The following FAM13C variants were observed in gnomAD, a reference collection of about 807,000 sequenced individuals.
The protein encoded by FAM13C is family with sequence similarity 13 member C, also known as protein FAM13C.
FAM13C carries 37 observed loss-of-function variants against 73.2 expected under a neutral mutation model. That is an observed-to-expected ratio of 0.51 (90% CI 0.39 to 0.67). The LOEUF is 0.67. Ranked by LOEUF, FAM13C falls within the 30% of genes least tolerant of loss-of-function variation. The pLI is 0.00. For synonymous variants in FAM13C, 246 were observed against 260.9 expected (o/e 0.94, Z 0.55); for missense variants, 589 against 715.6 (o/e 0.82, Z 2.02).
intron 10 of FAM13C, among the ~76,000 whole-genome samples, 179 bp from the exon 11 acceptor site, chr10:59,254,622 G>A (rs1459173220): frequency 1.4e-5 from 2 of 139,704 alleles, no homozygotes; most frequent in Non-Finnish European, 3.1e-5. Flanking sequence ...TATTTATTTA[G>A]AGACAGAGTC....
At chr10:59,308,378 C>T (rs1848493311) in intron 4 of FAM13C, among the ~76,000 whole-genome samples, 1 of 151,824 alleles carries the variant, frequency 6.6e-6, no homozygotes. Context: ...ACCACCACCA[C>T]CATTACCACC....
At chr10:59,355,663 T>C (rs1342689473) in intron 2 of FAM13C, among the ~76,000 whole-genome samples, 1 of 152,166 alleles carries the variant, frequency 6.6e-6, no homozygotes, top group Non-Finnish European at 1.5e-5. Context: ...CAGGCATTTA[T>C]CAAGTGTTCC....
At chr10:59,359,140 C>T (rs1341340946) in intron 1 of FAM13C, among the ~76,000 whole-genome samples, 1 of 152,226 alleles carries the variant, frequency 6.6e-6, no homozygotes. Flanking sequence ...TCACAGCTCA[C>T]CTGCTCTTTC....
chr10:59,360,575 G>A (rs1429310915), intron 1 of FAM13C, among the ~76,000 whole-genome samples: 1 of 152,140 alleles, frequency 6.6e-6, no homozygotes, highest in African/African-American at 2.4e-5. Context: ...TCATATTACT[G>A]AGGTGAGGGG....
intron 6 of FAM13C, among the ~76,000 whole-genome samples, chr10:59,279,504 A>AT (rs1423191729): frequency 6.6e-6 from 1 of 152,214 alleles, no homozygotes; most frequent in African/African-American, 2.4e-5. Context: ...TGGAATTATT[A>AT]TTTTTAGTAA....
At chr10:59,321,071 G>T (rs1287345800) in intron 4 of FAM13C, among the ~76,000 whole-genome samples, 2 of 152,104 alleles carry the variant, frequency 1.3e-5, no homozygotes, top group Non-Finnish European at 2.9e-5. Context: ...ACATGTAGTG[G>T]ACAGAATAAT....
chr10:59,262,600 C>G lies in FAM13C; in HGVS notation c.1070G>C (p.Gly357Ala). The change falls in exon 10 of 14, where the codon GGT (glycine) becomes GCT (alanine). Residue 357 changes from glycine (G) to alanine (A), a missense_variant. Coordinates refer to ENST00000618804, the MANE Select transcript of FAM13C (RefSeq NM_198215.4). ...LSEEQGSAPK[G>A]PPRNLLCEQP... The stretch of plus-strand genomic sequence containing the variant: ...CTCACACAACAGGTTTCTAGGTGGA[C>G]CTTTGGGAGCACTCCCTTGTTCTTC... 6.2e-7 allele frequency: 1 copy of G among 1,613,714 alleles called. No individual in the cohort carries two copies. The highest frequency in any genetic ancestry group is 8.5e-7 in the Non-Finnish European group (1 of 1,179,728).
chr10:59,316,547 C>T (rs999345791), intron 4 of FAM13C, among the ~76,000 whole-genome samples: 2 of 152,110 alleles, frequency 1.3e-5, no homozygotes, highest in Non-Finnish European at 2.9e-5. Flanking sequence ...TGTGCAAACA[C>T]CACAGAGTGT....
At chr10:59,288,805 A>G (rs999228302) in intron 5 of FAM13C, among the ~76,000 whole-genome samples, 1 of 152,184 alleles carries the variant, frequency 6.6e-6, no homozygotes, top group African/African-American at 2.4e-5. Context: ...GTCCTCAGTA[A>G]TATTCCTTCC....
chr10:59,344,330 G>C (rs1212080735), intron 3 of FAM13C, among the ~76,000 whole-genome samples: 1 of 147,604 alleles, frequency 6.8e-6, no homozygotes, highest in Non-Finnish European at 1.5e-5. Flanking sequence ...CCAGGCTGGA[G>C]TGCAGCAGCG....
intron 11 of FAM13C, chr10:59,254,018 T>C (rs1366285709): frequency 9.7e-6 from 3 of 309,706 alleles, no homozygotes; most frequent in Admixed American, 5.0e-5. Flanking sequence ...ACAGAAAGGC[T>C]CTGTTTTGTC....
chr10:59,316,829 G>C (rs1210090995), intron 4 of FAM13C, among the ~76,000 whole-genome samples: 4 of 152,136 alleles, frequency 2.6e-5, no homozygotes, highest in Non-Finnish European at 5.9e-5. Flanking sequence ...GTATGTTATA[G>C]TGTATTTTAT....
chr10:59,350,522 G>A (rs1264839420), intron 3 of FAM13C, among the ~76,000 whole-genome samples: 1 of 152,158 alleles, frequency 6.6e-6, no homozygotes, highest in Non-Finnish European at 1.5e-5. Context: ...CTCCTAATTA[G>A]TTAGGTGCTG....
chr10:59,346,682 C>G (rs552670713), intron 3 of FAM13C, among the ~76,000 whole-genome samples: 3 of 152,188 alleles, frequency 2.0e-5, no homozygotes, highest in Non-Finnish European at 4.4e-5. Context: ...GCCTTCTGGA[C>G]AGTTATGAGG....
rs1453599838 is a variant in FAM13C at position 59,302,955 on chromosome 10, C to G, written c.444-91G>C. 4.3e-6 allele frequency: 5 copies of G among 1,168,924 alleles called. No individual in the cohort carries two copies. The East Asian group carries it at 7.2e-5, about 17-fold the overall frequency. 72.4% of individuals were successfully genotyped at this position (1,168,924 alleles called of 1,614,324 possible). A position where few individuals can be genotyped will look rare whatever the true frequency, so the allele number is the denominator to read the frequency against. On this transcript the variant is annotated intron_variant, in intron 4 of 13. Coordinates refer to ENST00000618804, the MANE Select transcript of FAM13C (RefSeq NM_198215.4). The stretch of plus-strand genomic sequence containing the variant: ...TGGTGGCTACAAATCTGGCTGTACC[C>G]CTGATAAAAACCCTTGGTTGTGTCC...
At chr10:59,331,011 G>A (rs1327766634) in intron 3 of FAM13C, among the ~76,000 whole-genome samples, 1 of 152,136 alleles carries the variant, frequency 6.6e-6, no homozygotes, top group Non-Finnish European at 1.5e-5. Flanking sequence ...AGCTTTATGG[G>A]ATTCTTGGTT....
chr10:59,353,683 G>A lies in FAM13C; in HGVS notation c.120-1209C>T, dbSNP rs543895872. Among the ~76,000 whole-genome samples, 156 of 152,278 alleles carry A rather than the reference G, an allele frequency of 1.0e-3. 4 individuals carry two copies. The South Asian group carries it at 0.032, about 31-fold the overall frequency. On this transcript the variant is annotated intron_variant, in intron 2 of 13. Coordinates refer to ENST00000618804, the MANE Select transcript of FAM13C (RefSeq NM_198215.4). ...GAAGGATGAGTTCCAGGTAGTCTTT[G>A]GGAAAAGAGCAAAGCAAATATCAAG...
At position 59,352,437 on chromosome 10, in the gene FAM13C, C is replaced by T. The variant is rs747782090; in HGVS notation, c.157G>A (p.Ala53Thr). 1.2e-6 allele frequency: 2 copies of T among 1,613,310 alleles called. No individual in the cohort carries two copies. The highest frequency in any genetic ancestry group is 1.3e-5 in the African/African-American group (1 of 74,904). Residue 53 changes from alanine to threonine, a missense_variant, in exon 3 of 14, where the codon GCT (alanine) becomes ACT (threonine). By Grantham distance (58) the Ala-to-Thr change is moderately conservative. Coordinates refer to ENST00000618804, the MANE Select transcript of FAM13C (RefSeq NM_198215.4). ...NNKENYPDAGALVEEHAPPSW... is the reference protein window; with the variant it reads ...NNKENYPDAGTLVEEHAPPSW... ...GGCGGCGCGTGCTCTTCTACCAGAG[C>T]CCCTGCGTCGGGGTAGTTCTCTTTA...
At chr10:59,360,160 A>G (rs1001561789) in intron 1 of FAM13C, among the ~76,000 whole-genome samples, 1 of 152,236 alleles carries the variant, frequency 6.6e-6, no homozygotes, top group Non-Finnish European at 1.5e-5. Flanking sequence ...CTGGCCAAGC[A>G]TAACCATAAC....
Sources: gnomAD v4.1 joint callset for allele counts (sites outside exome capture counted in the v4.1 genomes callset) on GRCh38, gnomAD v4.1.1 for gene constraint, MANE v1.5 for transcripts, NCBI Gene and HGNC (gene_info 2026-07-23, HGNC 2026-07-21) for gene names.